MACROD2: variants seen among roughly 807,000 people sequenced by gnomAD.
MACROD2 encodes mono-ADP ribosylhydrolase 2.
MACROD2 carries 36 observed loss-of-function variants against 70.4 expected under a neutral mutation model. The observed-to-expected ratio is 0.51, with a 90% CI of 0.39 to 0.68. The LOEUF (loss-of-function observed/expected upper bound fraction) is 0.68, where lower values mean the gene tolerates loss of function less well. Among genes scored for constraint, MACROD2 ranks in the 30% least tolerant of loss-of-function variants. The pLI is 0.00. For synonymous variants in MACROD2, 172 were observed against 178.8 expected (o/e 0.96, Z 0.30); for missense variants, 496 against 538.4 (o/e 0.92, Z 0.78).
intron 8 of MACROD2, among the ~76,000 whole-genome samples, chr20:15,507,220 T>A (rs535747013): frequency 1.2e-3 from 178 of 151,560 alleles, no homozygotes; most frequent in African/African-American, 4.2e-3. Flanking sequence ...TACCTCTTTA[T>A]TTTTCTCTCC....
chr20:15,658,331 A>G (rs1363017793), intron 8 of MACROD2, among the ~76,000 whole-genome samples: 3 of 151,566 alleles, frequency 2.0e-5, no homozygotes, highest in Non-Finnish European at 2.9e-5. Context: ...TAAACACATG[A>G]CTGCTTTCCT....
chr20:15,643,590 G>A (rs2049495609), intron 8 of MACROD2, among the ~76,000 whole-genome samples: 1 of 152,198 alleles, frequency 6.6e-6, no homozygotes, highest in Non-Finnish European at 1.5e-5. Context: ...TCACCTGTGT[G>A]TTCTCAATGC....
At chr20:16,033,232 A>G (rs956027880) in intron 15 of MACROD2, among the ~76,000 whole-genome samples, 13 of 152,100 alleles carry the variant, frequency 8.5e-5, no homozygotes, top group Admixed American at 6.6e-4. Context: ...TTTATTTTTG[A>G]TACTTATTTG....
At chr20:15,117,461 A>G (rs2075999313) in intron 5 of MACROD2, among the ~76,000 whole-genome samples, 1 of 152,168 alleles carries the variant, frequency 6.6e-6, no homozygotes, top group African/African-American at 2.4e-5. Flanking sequence ...TCTTTTACAT[A>G]CATTCTAGAG....
chr20:15,952,161 T>C (rs2065915584), intron 12 of MACROD2, among the ~76,000 whole-genome samples: 1 of 152,162 alleles, frequency 6.6e-6, no homozygotes, highest in Non-Finnish European at 1.5e-5. Flanking sequence ...TCTGCCATGA[T>C]TGTGAGGCTT....
chr20:14,968,972 C>T (rs6043036), intron 5 of MACROD2, among the ~76,000 whole-genome samples: 3,349 of 152,106 alleles, frequency 0.022, 134 homozygotes, highest in African/African-American at 0.075. Flanking sequence ...TACCTCTTTT[C>T]AAAAGAACTA....
intron 8 of MACROD2, among the ~76,000 whole-genome samples, chr20:15,736,687 GGTTCTGCAT>G (rs2051025780): frequency 6.6e-6 from 1 of 152,216 alleles, no homozygotes; most frequent in South Asian, 2.1e-4. Context: ...TGTGTCTGCA[GGTTCTGCAT>G]GTGTGGATTC....
intron 5 of MACROD2, among the ~76,000 whole-genome samples, chr20:14,696,407 G>C (rs1378367965): frequency 6.6e-6 from 1 of 152,028 alleles, no homozygotes; most frequent in Non-Finnish European, 1.5e-5. Context: ...TTCAGTTTCT[G>C]TCCTCTGTTA....
At chr20:15,093,366 T>C (rs940610515) in intron 5 of MACROD2, among the ~76,000 whole-genome samples, 1 of 152,170 alleles carries the variant, frequency 6.6e-6, no homozygotes, top group Non-Finnish European at 1.5e-5. Context: ...CCGGGGTCCT[T>C]TTCCATTGTC....
At chr20:15,235,444 T>A (rs576541746) in intron 6 of MACROD2, among the ~76,000 whole-genome samples, 1 of 152,314 alleles carries the variant, frequency 6.6e-6, no homozygotes, top group South Asian at 2.1e-4. Context: ...AGCTAACTGA[T>A]GTTCCTTCCT....
chr20:14,217,290 T>C (rs1193007454), intron 3 of MACROD2, among the ~76,000 whole-genome samples: 1 of 152,222 alleles, frequency 6.6e-6, no homozygotes. Context: ...TTTATTTCTG[T>C]TTATGTGGTG....
intron 4 of MACROD2, among the ~76,000 whole-genome samples, chr20:14,555,535 T>C (rs1344013615): frequency 1.3e-5 from 2 of 152,034 alleles, no homozygotes; most frequent in Non-Finnish European, 2.9e-5. Context: ...ACGGAGCCCA[T>C]ATGTTATAGA....
At chr20:16,013,944 A>T (rs2066897632) in intron 15 of MACROD2, among the ~76,000 whole-genome samples, 1 of 152,200 alleles carries the variant, frequency 6.6e-6, no homozygotes, top group Non-Finnish European at 1.5e-5. Context: ...AGGAACTGTG[A>T]TGTCCCATCC....
intron 4 of MACROD2, among the ~76,000 whole-genome samples, chr20:14,638,069 G>T (rs1183091552): frequency 6.6e-6 from 1 of 151,890 alleles, no homozygotes; most frequent in African/African-American, 2.4e-5. Flanking sequence ...GGAAGAAAAA[G>T]TAGCTCAGTT....
At chr20:15,740,940 C>G (rs2051095655) in intron 8 of MACROD2, among the ~76,000 whole-genome samples, 1 of 152,038 alleles carries the variant, frequency 6.6e-6, no homozygotes, top group Admixed American at 6.6e-5. Context: ...TCCTCCCAGT[C>G]TCCTTTCAAC....
At chr20:14,044,597 C>T (rs1284286318) in intron 2 of MACROD2, among the ~76,000 whole-genome samples, 1 of 152,110 alleles carries the variant, frequency 6.6e-6, no homozygotes, top group Non-Finnish European at 1.5e-5. Flanking sequence ...CTGAGCTAGA[C>T]CCAAAAGTTC....
chr20:14,079,896 G>A (rs373064232), intron 2 of MACROD2, among the ~76,000 whole-genome samples: 6 of 152,224 alleles, frequency 3.9e-5, no homozygotes, highest in African/African-American at 1.4e-4. Context: ...TGAGCAGCAG[G>A]TGAGCCAGCA....
chr20:14,017,611 T>C (rs1363405059), intron 2 of MACROD2, among the ~76,000 whole-genome samples: 4 of 152,118 alleles, frequency 2.6e-5, no homozygotes, highest in Non-Finnish European at 4.4e-5. Flanking sequence ...TGTTGGAGTA[T>C]TACATTGATT....
At chr20:15,952,675 G>A (rs1051897528) in intron 12 of MACROD2, among the ~76,000 whole-genome samples, 1 of 152,088 alleles carries the variant, frequency 6.6e-6, no homozygotes, top group East Asian at 1.9e-4. Context: ...ATTCTTTCCT[G>A]GGGGCTTCTC....
Sources: gnomAD v4.1 joint callset for allele counts (sites outside exome capture counted in the v4.1 genomes callset) on GRCh38, gnomAD v4.1.1 for gene constraint, MANE v1.5 for transcripts, NCBI Gene and HGNC (gene_info 2026-07-23, HGNC 2026-07-21) for gene names.